The following XRN2 variants were observed in gnomAD, a reference collection of about 807,000 sequenced individuals.
XRN2 encodes DHM1-like protein.
In XRN2, 44 loss-of-function variants were observed where a neutral mutation model predicts 138.5. That is an observed-to-expected ratio of 0.32 (90% CI 0.25 to 0.41). XRN2 has a LOEUF of 0.41. Ranked by LOEUF, XRN2 falls within the 10% of genes least tolerant of loss-of-function variation. The probability of loss-of-function intolerance (pLI) is 1.00; values close to 1 mark genes in which losing one functional copy is unlikely to be tolerated. For missense variants in XRN2, 937 were observed against 1,169.3 expected (o/e 0.80, Z 2.90); for synonymous variants, 354 against 369.4 (o/e 0.96, Z 0.48).
At position 21,375,618 on chromosome 20, in the gene XRN2, T is replaced by C. The variant is rs146372852; in HGVS notation, c.2585-6376T>C. On this transcript the variant is annotated intron_variant, in intron 27 of 29. Transcript: ENST00000377191. ...TTATAGGGCTTTTCCAATAATCTTTTAAAAATATATTTATTTCTTAACTGC... is the reference window on the plus strand; with the variant it reads ...TTATAGGGCTTTTCCAATAATCTTTCAAAAATATATTTATTTCTTAACTGC... 5.3e-3 allele frequency among the ~76,000 whole-genome samples: 800 copies of C among 151,842 alleles called. 26 individuals carry two copies. The highest frequency in any genetic ancestry group is 0.037 in the Admixed American group (563 of 15,262).
intron 27 of XRN2, among the ~76,000 whole-genome samples, chr20:21,375,839 T>G (rs1378464869): frequency 6.6e-6 from 1 of 150,754 alleles, no homozygotes; most frequent in Non-Finnish European, 1.5e-5. Context: ...TTTTATTTAT[T>G]TATTTATTTA....
intron 4 of XRN2, among the ~76,000 whole-genome samples, 196 bp from the exon 5 acceptor site, chr20:21,330,285 A>G (rs1383233607): frequency 6.6e-6 from 1 of 151,598 alleles, no homozygotes; most frequent in Non-Finnish European, 1.5e-5. Context: ...CTCTGTCTCA[A>G]ATAATAATAA....
chr20:21,382,083 T>C (rs2038891753), intron 28 of XRN2, 26 bp downstream of exon 28: 1 of 1,584,464 alleles, frequency 6.3e-7, no homozygotes, highest in East Asian at 2.3e-5. Context: ...GACATGACTT[T>C]TAAATACTTT....
In XRN2 at chr20:21,333,631, A is replaced by G. The variant is rs780251998; in HGVS notation, c.933+13A>G. The G allele has an allele frequency of 1.9e-6, 3 of 1,613,634 alleles. No homozygotes were observed. The African/African-American group carries it at 4.0e-5, about 22-fold the overall frequency. On this transcript the variant is annotated intron_variant, in intron 10 of 29. Coordinates refer to ENST00000377191, the MANE Select transcript of XRN2 (RefSeq NM_012255.5). ...TGTTCTTCGTGAGGTATGTAGCAAT[A>G]ATCATTGAAATCAGCACTCTAAAGC...
intron 26 of XRN2, among the ~76,000 whole-genome samples, chr20:21,366,215 A>G (rs1206426493): frequency 7.8e-6 from 1 of 128,666 alleles, no homozygotes; most frequent in Non-Finnish European, 1.6e-5. Flanking sequence ...TATATAATAT[A>G]GTTTATATAT....
At chr20:21,356,243 T>G in intron 22 of XRN2, 66 bp downstream of exon 22, 3 of 1,257,476 alleles carry the variant, frequency 2.4e-6, no homozygotes, top group Non-Finnish European at 2.3e-6. Context: ...ATGCATAACA[T>G]AAAATTTACC....
intron 1 of XRN2, among the ~76,000 whole-genome samples, chr20:21,323,937 G>T (rs992143202): frequency 1.3e-5 from 2 of 152,028 alleles, no homozygotes; most frequent in Non-Finnish European, 2.9e-5. Flanking sequence ...ATGGCCAGCA[G>T]GTCTGAAATA....
intron 20 of XRN2, among the ~76,000 whole-genome samples, chr20:21,353,378 C>A (rs1298977791): frequency 6.7e-6 from 1 of 149,492 alleles, no homozygotes; most frequent in African/African-American, 2.5e-5. Flanking sequence ...GGGTTTTTTT[C>A]ATGTGTTTAT....
At chr20:21,318,394 T>G (rs959922940) in intron 1 of XRN2, among the ~76,000 whole-genome samples, 4 of 152,304 alleles carry the variant, frequency 2.6e-5, no homozygotes, top group African/African-American at 9.6e-5. Context: ...CATTGATTTT[T>G]CTCTATTTTT....
intron 24 of XRN2, among the ~76,000 whole-genome samples, chr20:21,360,515 C>T (rs1320617852): frequency 6.6e-6 from 1 of 150,442 alleles, no homozygotes; most frequent in African/African-American, 2.5e-5. Context: ...TTAAAAAGCT[C>T]AGTTGTTCAT....
At chr20:21,323,369 A>T (rs2038075207) in intron 1 of XRN2, among the ~76,000 whole-genome samples, 1 of 152,244 alleles carries the variant, frequency 6.6e-6, no homozygotes, top group Non-Finnish European at 1.5e-5. Flanking sequence ...TCAGTCTGTC[A>T]TCTGGGGAAT....
intron 16 of XRN2, 106 bp from the exon 17 acceptor site, chr20:21,346,309 A>G (rs2038434410): frequency 7.7e-6 from 11 of 1,425,546 alleles, no homozygotes; most frequent in East Asian, 6.9e-5. Context: ...ACTCTTTCAC[A>G]TTTCCCCTGG....
At chr20:21,331,500 T>C in intron 6 of XRN2, 61 bp from the exon 7 acceptor site, 2 of 1,409,322 alleles carry the variant, frequency 1.4e-6, no homozygotes, top group Non-Finnish European at 9.9e-7. Flanking sequence ...TATAATTCTT[T>C]TGATTTTTGT....
chr20:21,327,527 C>T (rs932962606), intron 3 of XRN2, among the ~76,000 whole-genome samples: 2 of 152,060 alleles, frequency 1.3e-5, no homozygotes, highest in African/African-American at 2.4e-5. Flanking sequence ...TGCTAAGTTG[C>T]AGTTAGAATG....
chr20:21,344,137 G>A lies in XRN2; in HGVS notation c.1458G>A (p.Pro486=), dbSNP rs201613539. ...PNTSFTSDGS[P]SPLGGIKRKA... ...CGAGTTTCACATCTGATGGCTCCCC[G>A]TCTCCATTAGGAGGAATTAAGCGAA... The change falls in exon 16 of 30, where the codon CCG becomes CCA. Residue 486 remains proline (P), a synonymous_variant. Coordinates refer to ENST00000377191, the MANE Select transcript of XRN2 (RefSeq NM_012255.5). 13 of 1,613,074 alleles carry A rather than the reference G, an allele frequency of 8.1e-6. No individual in the cohort carries two copies. In the East Asian group the frequency reaches 8.9e-5, roughly 11 times the overall value.
intron 24 of XRN2, among the ~76,000 whole-genome samples, 169 bp downstream of exon 24, chr20:21,357,961 A>G (rs549629259): frequency 6.6e-6 from 1 of 152,186 alleles, no homozygotes; most frequent in African/African-American, 2.4e-5. Flanking sequence ...CTTAACTCTA[A>G]ATTATGTATA....
chr20:21,382,556 G>T (rs1464562295), intron 28 of XRN2, among the ~76,000 whole-genome samples: 2 of 152,190 alleles, frequency 1.3e-5, no homozygotes, highest in African/African-American at 4.8e-5. Flanking sequence ...GTCACTGTAG[G>T]TCAGTAGTTA....
rs1422583892 is a variant in XRN2 at position 21,357,792 on chromosome 20, G to A, written c.2255G>A (p.Ser752Asn). The A allele has an allele frequency of 1.9e-6, 3 of 1,597,386 alleles. No homozygotes were observed. Among genetic ancestry groups the A allele is most frequent in the Non-Finnish European group, 2.6e-6 (3 of 1,172,486 alleles). Residue 752 changes from serine to asparagine, a missense_variant and splice_region_variant, in exon 24 of 30, where the codon AGT becomes AAT. Physicochemically the swap from Ser to Asn is conservative, Grantham distance 46 (BLOSUM62 1). This residue lies in a region of XRN2 where 372 missense variants were observed against 414.4 expected (regional missense o/e 0.90). Coordinates refer to ENST00000377191, the MANE Select transcript of XRN2 (RefSeq NM_012255.5). Reference sequence around the variant, plus strand: ...GATCTGACACAGAACACTGTAGTCAGGTAAGTTTTCCAAAATTCATGGCAT... The same window carrying A: ...GATCTGACACAGAACACTGTAGTCAAGTAAGTTTTCCAAAATTCATGGCAT... ...LRDLTQNTVV[S>N]INFKDPQFAE... is the part of the protein sequence containing the mutation.
At chr20:21,365,355 C>A in intron 24 of XRN2, 66 bp from the exon 25 acceptor site, 1 of 1,482,596 alleles carries the variant, frequency 6.7e-7, no homozygotes, top group Non-Finnish European at 9.2e-7. Flanking sequence ...TGAAAAATAC[C>A]TCAGTCTACA....
Sources: gnomAD v4.1 joint callset for allele counts (sites outside exome capture counted in the v4.1 genomes callset) on GRCh38, gnomAD v4.1.1 for gene constraint, gnomAD v4.1.1 regional missense constraint, MANE v1.5 for transcripts, NCBI Gene and HGNC (gene_info 2026-07-23, HGNC 2026-07-21) for gene names.